Variants in TMCC1 observed in about 807,000 individuals in gnomAD.
The protein encoded by TMCC1 is transmembrane and coiled-coil domains protein 1.
Under a neutral mutation model 52.4 loss-of-function variants are expected in TMCC1, and 15 were observed. That is an observed-to-expected ratio of 0.29 (90% CI 0.19 to 0.44). TMCC1 has a LOEUF of 0.44. Ranked by LOEUF, TMCC1 falls within the 20% of genes least tolerant of loss-of-function variation. The pLI is 1.00. For synonymous variants in TMCC1, 279 were observed against 301.9 expected (o/e 0.92, Z 0.79); for missense variants, 503 against 806.0 (o/e 0.62, Z 4.55).
At position 129,676,036 on chromosome 3, in the gene TMCC1, C is replaced by CAAAAAAAA. The variant is rs61105005; in HGVS notation, c.577-4780_577-4773dup. Among the ~76,000 whole-genome samples, 321 of 46,294 alleles carry CAAAAAAAA rather than the reference C, an allele frequency of 6.9e-3. 16 individuals are homozygous for CAAAAAAAA. The highest frequency in any genetic ancestry group is 0.024 in the African/African-American group (296 of 12,130). The allele number at this position is 46,294 out of a possible 152,430, so 30.4% of individuals were successfully genotyped here. ...TGGGCGACAGAGCGAGACTCTGTCT[C>CAAAAAAAA]AAAAAAAAAAAAAAAAAAAAAAAAA... On this transcript the variant is annotated intron_variant, in intron 4 of 6. Coordinates refer to ENST00000393238, the MANE Select transcript of TMCC1 (RefSeq NM_001017395.5).
chr3:129,653,205 C>T lies in TMCC1; in HGVS notation c.1648-1410G>A, dbSNP rs143178783. On this transcript the variant is annotated intron_variant, in intron 6 of 6. Coordinates refer to ENST00000393238, the MANE Select transcript of TMCC1 (RefSeq NM_001017395.5). ...TATGTTATAATATATGCAGCTAGTTCCCCCTTGGGGATTTTTAGGTTGTTT... is the reference window on the plus strand; with the variant it reads ...TATGTTATAATATATGCAGCTAGTTTCCCCTTGGGGATTTTTAGGTTGTTT... Among the ~76,000 whole-genome samples the T allele has an allele frequency of 1.2e-4, 19 of 152,174 alleles. No individual in the cohort carries two copies. In the East Asian group the frequency reaches 3.7e-3, roughly 29 times the overall value.
At chr3:129,687,690 G>A (rs1308595776) in intron 4 of TMCC1, among the ~76,000 whole-genome samples, 1 of 152,142 alleles carries the variant, frequency 6.6e-6, no homozygotes, top group Non-Finnish European at 1.5e-5. Context: ...ATATCAAACA[G>A]CAATGACAAT....
At chr3:129,836,213 ACAG>A (rs1411925618) in intron 2 of TMCC1, among the ~76,000 whole-genome samples, 1 of 152,210 alleles carries the variant, frequency 6.6e-6, no homozygotes, top group Non-Finnish European at 1.5e-5. Context: ...ATAAAGCAAA[ACAG>A]CAGAATTATA....
intron 4 of TMCC1, among the ~76,000 whole-genome samples, chr3:129,803,040 G>A (rs2057281863): frequency 6.6e-6 from 1 of 152,224 alleles, no homozygotes; most frequent in African/African-American, 2.4e-5. Flanking sequence ...ATGCACAAGA[G>A]TGAGAGAAAG....
chr3:129,866,471 G>A (rs1383759846), intron 2 of TMCC1, among the ~76,000 whole-genome samples: 5 of 148,470 alleles, frequency 3.4e-5, no homozygotes, highest in Non-Finnish European at 5.9e-5. Context: ...TCTGCCTCCC[G>A]GGTTCAAGCA....
At chr3:129,678,953 C>T (rs878889110) in intron 4 of TMCC1, among the ~76,000 whole-genome samples, 6 of 152,136 alleles carry the variant, frequency 3.9e-5, no homozygotes, top group East Asian at 3.9e-4. Flanking sequence ...AGTCAGATTA[C>T]GACACTCTTT....
intron 4 of TMCC1, among the ~76,000 whole-genome samples, chr3:129,808,241 G>C (rs1273606260): frequency 1.3e-5 from 2 of 152,078 alleles, no homozygotes; most frequent in African/African-American, 2.4e-5. Context: ...CCAGCACTTT[G>C]GGAGGCCAAT....
intron 2 of TMCC1, among the ~76,000 whole-genome samples, chr3:129,856,264 G>A (rs1287058673): frequency 2.0e-5 from 3 of 152,166 alleles, no homozygotes. Context: ...GAACCTGAAT[G>A]GATCGTGAGA....
At chr3:129,833,360 C>G (rs1478014660) in intron 2 of TMCC1, among the ~76,000 whole-genome samples, 2 of 151,976 alleles carry the variant, frequency 1.3e-5, no homozygotes, top group Non-Finnish European at 2.9e-5. Context: ...CATCTGAGCC[C>G]AGGAATTTGA....
At chr3:129,880,181 A>T (rs1342198791) in intron 2 of TMCC1, 128 bp downstream of exon 2, 1 of 152,138 alleles carries the variant, frequency 6.6e-6, no homozygotes, top group East Asian at 1.9e-4. Context: ...AAAAGAGAAA[A>T]TGGGAGAAAG....
At chr3:129,664,896 C>A (rs1488054166) in intron 5 of TMCC1, among the ~76,000 whole-genome samples, 1 of 152,126 alleles carries the variant, frequency 6.6e-6, no homozygotes, top group Non-Finnish European at 1.5e-5. Flanking sequence ...TGTGACCTGG[C>A]AAAAGTCACT....
intron 2 of TMCC1, among the ~76,000 whole-genome samples, chr3:129,852,786 G>T (rs1434658445): frequency 6.6e-6 from 1 of 152,090 alleles, no homozygotes; most frequent in African/African-American, 2.4e-5. Flanking sequence ...ACAGCTCAAG[G>T]CCAAACAATG....
intron 4 of TMCC1, among the ~76,000 whole-genome samples, chr3:129,793,961 A>G (rs1293695418): frequency 1.3e-5 from 2 of 152,208 alleles, no homozygotes; most frequent in South Asian, 2.1e-4. Context: ...ACAGAGAAGA[A>G]GGCTTTCTCC....
chr3:129,864,069 C>A (rs1179589979), intron 2 of TMCC1, among the ~76,000 whole-genome samples: 1 of 152,136 alleles, frequency 6.6e-6, no homozygotes, highest in East Asian at 1.9e-4. Flanking sequence ...AGTGCTACCA[C>A]CTCTTGCATC....
chr3:129,877,624 CTTTTTTTTT>C (rs760525326), intron 2 of TMCC1, among the ~76,000 whole-genome samples: 1 of 126,930 alleles, frequency 7.9e-6, no homozygotes, highest in Non-Finnish European at 1.6e-5. Context: ...ATCCCTAAGT[CTTTTTTTTT>C]TTTTTTTTTT....
intron 4 of TMCC1, among the ~76,000 whole-genome samples, chr3:129,755,676 T>C (rs192472599): frequency 6.6e-6 from 1 of 152,136 alleles, no homozygotes; most frequent in East Asian, 1.9e-4. Flanking sequence ...AAAGTGGAAA[T>C]TAAAACCCCT....
In TMCC1 at chr3:129,648,806, C is replaced by T. The variant is rs1373053965; in HGVS notation, c.*2675G>A. 2 of 151,802 alleles carry T rather than the reference C, an allele frequency of 1.3e-5. No individual in the cohort carries two copies. The highest frequency in any genetic ancestry group is 4.8e-5 in the African/African-American group (2 of 41,298). The allele number at this position is 151,802 out of a possible 1,614,324, so 9.4% of individuals were successfully genotyped here. A position where few individuals can be genotyped will look rare whatever the true frequency, so the allele number is the denominator to read the frequency against. On this transcript the variant is annotated 3_prime_UTR_variant, in exon 7 of 7. Transcript: ENST00000393238. ...CAAGACAAAAGAACCCAAGAACAAC[C>T]ACAATGAAAGAAACTCAAAAGTAAC...
At chr3:129,655,272 A>T (rs1368666450) in intron 5 of TMCC1, among the ~76,000 whole-genome samples, 169 bp from the exon 6 acceptor site, 1 of 152,218 alleles carries the variant, frequency 6.6e-6, no homozygotes, top group Non-Finnish European at 1.5e-5. Context: ...AGTCTCTGGA[A>T]AAGATAGCTT....
intron 4 of TMCC1, among the ~76,000 whole-genome samples, chr3:129,764,520 C>T (rs1448401582): frequency 1.3e-5 from 2 of 151,960 alleles, no homozygotes; most frequent in Admixed American, 6.6e-5. Context: ...ACATTAGATG[C>T]TACAGAGAAA....
Sources: gnomAD v4.1 joint callset for allele counts (sites outside exome capture counted in the v4.1 genomes callset) on GRCh38, gnomAD v4.1.1 for gene constraint, MANE v1.5 for transcripts, NCBI Gene and HGNC (gene_info 2026-07-23, HGNC 2026-07-21) for gene names.